The following DMD variants were observed in gnomAD, a reference collection of about 807,000 sequenced individuals.
DMD encodes mutant dystrophin.
In DMD, 63 loss-of-function variants were observed where a neutral mutation model predicts 330.1. That is an observed-to-expected ratio of 0.19 (90% CI 0.16 to 0.24). The LOEUF is 0.24. Ranked by LOEUF, DMD falls within the 10% of genes least tolerant of loss-of-function variation. The pLI is 1.00. For missense variants in DMD, 3,344 were observed against 2,684.1 expected, an observed-to-expected ratio of 1.25 and a Z score of -5.43; for synonymous variants, 1,223 against 959.8, an observed-to-expected ratio of 1.27 and a Z score of -5.07.
chrX:31,203,817 A>T, intron 67 of DMD, 144 bp downstream of exon 67: 1 of 515,587 alleles, frequency 1.9e-6, no homozygotes, highest in Non-Finnish European at 3.3e-6. Flanking sequence ...GAAGCTGCTT[A>T]CTTACAGAGG....
At chrX:31,660,986 A>AAAATTATAAATT (rs2081089285) in intron 53 of DMD, among the ~76,000 whole-genome samples, 1 of 112,077 alleles carries the variant, frequency 8.9e-6, no homozygotes, top group Non-Finnish European at 1.9e-5. Flanking sequence ...AAAAATGCCT[A>AAAATTATAAATT]AAATTATAAA....
At chrX:32,775,800 T>G (rs942930479) in intron 7 of DMD, among the ~76,000 whole-genome samples, 5 of 113,069 alleles carry the variant, frequency 4.4e-5, no homozygotes, top group African/African-American at 1.3e-4. Flanking sequence ...AACATTCTGC[T>G]TCTCTTTACT....
At chrX:31,252,080 A>C (rs746037941) in intron 63 of DMD, among the ~76,000 whole-genome samples, 5 of 112,773 alleles carry the variant, frequency 4.4e-5, no homozygotes, top group Admixed American at 1.9e-4. Flanking sequence ...TATAATATTT[A>C]GAACAGTCCA....
intron 1 of DMD, among the ~76,000 whole-genome samples, chrX:33,301,733 T>C (rs779014716): frequency 5.2e-4 from 58 of 111,498 alleles, no homozygotes; most frequent in Non-Finnish European, 1.3e-4. Flanking sequence ...TGGAAAAATA[T>C]AAGAGCCTAG....
chrX:32,283,136 G>C (rs2097426587), intron 43 of DMD, among the ~76,000 whole-genome samples: 1 of 111,528 alleles, frequency 9.0e-6, no homozygotes, highest in South Asian at 3.8e-4. Context: ...CCAGAGCAAA[G>C]ACATATATAG....
At position 32,605,391 on chromosome X, in the gene DMD, C is replaced by A. The variant is rs756178934; in HGVS notation, c.1482+8912G>T. 6.4e-5 allele frequency among the ~76,000 whole-genome samples: 7 copies of A among 110,163 alleles called. No homozygotes were observed. The East Asian group carries it at 2.0e-3, about 32-fold the overall frequency. ...AAACTGGGTCATAAATCACCATATA[C>A]AAAAATTAACTCAAAATGTATTAAA... On this transcript the variant is annotated intron_variant, in intron 12 of 78. Transcript: ENST00000357033.
intron 45 of DMD, among the ~76,000 whole-genome samples, chrX:31,963,730 T>C (rs956985170): frequency 9.3e-6 from 1 of 108,006 alleles, no homozygotes; most frequent in African/African-American, 3.4e-5. Flanking sequence ...TTCATAATAA[T>C]ATATTGAATA....
intron 1 of DMD, among the ~76,000 whole-genome samples, chrX:33,243,816 A>T (rs189841372): frequency 9.0e-6 from 1 of 111,712 alleles, no homozygotes; most frequent in African/African-American, 3.3e-5. Flanking sequence ...TCTCACTTAC[A>T]TGTGGGAGCA....
At chrX:31,612,190 G>C (rs1046241999) in intron 55 of DMD, among the ~76,000 whole-genome samples, 1 of 111,031 alleles carries the variant, frequency 9.0e-6, no homozygotes, top group Non-Finnish European at 1.9e-5. Flanking sequence ...GTATAAATTT[G>C]ACTGTTGTAG....
intron 52 of DMD, among the ~76,000 whole-genome samples, chrX:31,713,049 C>A (rs1471543882): frequency 1.8e-5 from 2 of 111,187 alleles, no homozygotes; most frequent in Non-Finnish European, 3.8e-5. Context: ...CTACCATTCA[C>A]CAGCTGCTAT....
At chrX:32,585,699 C>CAAAATAAAA (rs2054190124) in intron 13 of DMD, among the ~76,000 whole-genome samples, 4 of 31,919 alleles carry the variant, frequency 1.3e-4, no homozygotes, top group Non-Finnish European at 2.2e-4. Flanking sequence ...GACTCCGTCT[C>CAAAATAAAA]AAAAAAAAAA....
At chrX:31,187,091 T>C (rs754349320) in intron 67 of DMD, among the ~76,000 whole-genome samples, 3 of 112,430 alleles carry the variant, frequency 2.7e-5, no homozygotes, top group Non-Finnish European at 5.6e-5. Context: ...TTTATCTCTC[T>C]GTGTCTTACT....
At chrX:31,285,838 G>A (rs1474828090) in intron 62 of DMD, among the ~76,000 whole-genome samples, 1 of 111,591 alleles carries the variant, frequency 9.0e-6, no homozygotes, top group Admixed American at 9.5e-5. Context: ...GGTAAAACAA[G>A]TGAAATGAAA....
intron 7 of DMD, among the ~76,000 whole-genome samples, chrX:32,769,156 CT>C (rs2073327009): frequency 8.9e-6 from 1 of 112,520 alleles, no homozygotes; most frequent in Non-Finnish European, 1.9e-5. Context: ...CATTTTCACA[CT>C]GCTGATAAAT....
chrX:31,281,083 C>G (rs1473951641), intron 62 of DMD, among the ~76,000 whole-genome samples: 1 of 111,652 alleles, frequency 9.0e-6, no homozygotes, highest in East Asian at 2.8e-4. Flanking sequence ...GCAAAACTGG[C>G]CAAATGAGGT....
intron 37 of DMD, among the ~76,000 whole-genome samples, chrX:32,361,537 A>G (rs1365646970): frequency 8.9e-6 from 1 of 111,783 alleles, no homozygotes; most frequent in East Asian, 2.8e-4. Context: ...ACAACTTTTT[A>G]ATTTGGGAAG....
At chrX:32,238,898 C>A (rs1320750316) in intron 43 of DMD, among the ~76,000 whole-genome samples, 1 of 111,737 alleles carries the variant, frequency 8.9e-6, no homozygotes, top group Non-Finnish European at 1.9e-5. Context: ...AACCTGGACA[C>A]TCATTTTCTT....
intron 18 of DMD, among the ~76,000 whole-genome samples, chrX:32,506,420 T>TAAA (rs57359370): frequency 6.3e-4 from 45 of 71,477 alleles, no homozygotes; most frequent in African/African-American, 1.9e-3. Context: ...TACAAAATGC[T>TAAA]AAAAAAAAAA....
At chrX:31,937,471 T>C (rs2150028421) in intron 45 of DMD, among the ~76,000 whole-genome samples, 1 of 111,951 alleles carries the variant, frequency 8.9e-6, no homozygotes, top group African/African-American at 3.2e-5. Flanking sequence ...ATCTTTTAAA[T>C]ATGAAAACAT....
Sources: gnomAD v4.1 joint callset for allele counts (sites outside exome capture counted in the v4.1 genomes callset) on GRCh38, gnomAD v4.1.1 for gene constraint, MANE v1.5 for transcripts, NCBI Gene and HGNC (gene_info 2026-07-23, HGNC 2026-07-21) for gene names.